Variants in FGGY observed in about 807,000 individuals in gnomAD.
FGGY encodes the protein FGGY carbohydrate kinase domain containing.
In FGGY, 72 loss-of-function variants were observed where a neutral mutation model predicts 71.3. That is an observed-to-expected ratio of 1.01 (90% CI 0.84 to 1.23). The LOEUF is 1.23. FGGY is among the 50% of genes most tolerant of loss of function. FGGY has a pLI of 0.00. For synonymous variants in FGGY, 251 were observed against 250.3 expected, an observed-to-expected ratio of 1.00 and a Z score of -0.02; for missense variants, 668 against 682.3, an observed-to-expected ratio of 0.98 and a Z score of 0.23.
chr1:59,512,578 T>C, intron 7 of FGGY, 139 bp downstream of exon 7: 3 of 748,346 alleles, frequency 4.0e-6, no homozygotes, highest in Non-Finnish European at 5.8e-6. Context: ...AAAGCCTTTT[T>C]ACAGCTAGGC....
chr1:59,349,222 T>C (rs2052748417), intron 4 of FGGY, among the ~76,000 whole-genome samples: 1 of 152,220 alleles, frequency 6.6e-6, no homozygotes, highest in Non-Finnish European at 1.5e-5. Flanking sequence ...CATGCAGTAG[T>C]AAAATCCCTC....
At chr1:59,462,210 G>C (rs2092293580) in intron 6 of FGGY, among the ~76,000 whole-genome samples, 1 of 152,126 alleles carries the variant, frequency 6.6e-6, no homozygotes, top group African/African-American at 2.4e-5. Context: ...AATGGGGAAA[G>C]GATTCCCTAT....
chr1:59,669,700 T>A (rs1250458535), intron 13 of FGGY, among the ~76,000 whole-genome samples: 1 of 152,030 alleles, frequency 6.6e-6, no homozygotes, highest in African/African-American at 2.4e-5. Context: ...CGGCCCCAAT[T>A]TCCAGCCTTC....
At chr1:59,578,864 G>A (rs1291168653) in intron 8 of FGGY, among the ~76,000 whole-genome samples, 1 of 152,038 alleles carries the variant, frequency 6.6e-6, no homozygotes, top group Non-Finnish European at 1.5e-5. Context: ...TAAGACTACA[G>A]CTTGCTTTAA....
intron 1 of FGGY, chr1:59,315,741 G>T (rs1348117538): frequency 2.0e-5 from 3 of 152,206 alleles, no homozygotes; most frequent in African/African-American, 7.2e-5. Context: ...CCACAGGTAT[G>T]TCTAGATGAA....
intron 5 of FGGY, among the ~76,000 whole-genome samples, chr1:59,414,920 G>T (rs571506822): frequency 1.3e-5 from 2 of 152,374 alleles, no homozygotes; most frequent in African/African-American, 4.8e-5. Flanking sequence ...GCAGGGTGGA[G>T]AAAGTTAGAG....
intron 1 of FGGY, among the ~76,000 whole-genome samples, chr1:59,311,533 G>A (rs1407219753): frequency 2.0e-5 from 3 of 152,046 alleles, no homozygotes; most frequent in African/African-American, 7.3e-5. Context: ...GAGGTTGTTG[G>A]CTTCCAGCTT....
Position 59,421,346 on chromosome 1 carries a change from A to G in FGGY, c.555-35615A>G, listed in dbSNP as rs181900242. Among the ~76,000 whole-genome samples, 146 of 152,324 alleles carry G rather than the reference A, an allele frequency of 9.6e-4. 1 individual carries two copies. Among genetic ancestry groups the G allele is most frequent in the African/African-American group, 3.3e-3 (139 of 41,572 alleles). ...TTAATTATGATATTGATAATTAGCT[A>G]TTTTTTGAAAGATACCTCCTTTTAT... On this transcript the variant is annotated intron_variant, in intron 5 of 15. Coordinates refer to ENST00000303721, the MANE Select transcript of FGGY (RefSeq NM_018291.5).
chr1:59,377,007 A>G (rs2058740154), intron 4 of FGGY, among the ~76,000 whole-genome samples: 1 of 152,204 alleles, frequency 6.6e-6, no homozygotes, highest in African/African-American at 2.4e-5. Flanking sequence ...CCTGATTCTA[A>G]GTTCTTGGGA....
chr1:59,528,301 G>A (rs1416982896), intron 7 of FGGY, among the ~76,000 whole-genome samples: 10 of 152,178 alleles, frequency 6.6e-5, no homozygotes, highest in Non-Finnish European at 5.9e-5. Context: ...TTACCTAGAT[G>A]CCACTTAATG....
chr1:59,504,399 G>A (rs1570333641), intron 6 of FGGY, among the ~76,000 whole-genome samples: 1 of 152,216 alleles, frequency 6.6e-6, no homozygotes, highest in East Asian at 1.9e-4. Flanking sequence ...CTTGCCACTG[G>A]TGTCTGGTGC....
At chr1:59,447,198 G>C (rs141052610) in intron 5 of FGGY, among the ~76,000 whole-genome samples, 1 of 152,170 alleles carries the variant, frequency 6.6e-6, no homozygotes, top group African/African-American at 2.4e-5. Flanking sequence ...GGTGATTATA[G>C]TAGCTTTACT....
chr1:59,702,834 G>A lies in FGGY; in HGVS notation c.1512+28701G>A, dbSNP rs58324454. Among the ~76,000 whole-genome samples, 931 of 152,246 alleles carry A rather than the reference G, an allele frequency of 6.1e-3. 8 individuals carry two copies. Among genetic ancestry groups the A allele is most frequent in the African/African-American group, 0.022 (901 of 41,556 alleles). The stretch of plus-strand genomic sequence containing the variant: ...TTGAATGTGTATGGACACCAGCTGG[G>A]CAGCTTCCTCATGGTCCCTGGATGA... On this transcript the variant is annotated intron_variant, in intron 14 of 15. Coordinates refer to ENST00000303721, the MANE Select transcript of FGGY (RefSeq NM_018291.5).
Position 59,626,065 on chromosome 1 carries a change from G to T in FGGY, c.1073+16G>T, listed in dbSNP as rs373070133. ...CCACAGCCAGGTAACTGCTGTCTCTGTTCCCTCTAAAATTTTCCTTGTGTG... is the reference window on the plus strand; with the variant it reads ...CCACAGCCAGGTAACTGCTGTCTCTTTTCCCTCTAAAATTTTCCTTGTGTG... On this transcript the variant is annotated intron_variant, in intron 10 of 15. Coordinates refer to ENST00000303721, the MANE Select transcript of FGGY (RefSeq NM_018291.5). The T allele has an allele frequency of 1.1e-4, 175 of 1,611,198 alleles. No homozygotes were observed. The highest frequency in any genetic ancestry group is 1.4e-4 in the Non-Finnish European group (165 of 1,178,150).
intron 12 of FGGY, among the ~76,000 whole-genome samples, chr1:59,663,692 C>A (rs926628150): frequency 2.6e-5 from 4 of 151,946 alleles, no homozygotes; most frequent in Non-Finnish European, 5.9e-5. Flanking sequence ...TTTCAATAAG[C>A]CTTTTTTGTG....
At chr1:59,585,953 A>T (rs1203742044) in intron 8 of FGGY, among the ~76,000 whole-genome samples, 7 of 152,322 alleles carry the variant, frequency 4.6e-5, no homozygotes, top group African/African-American at 1.7e-4. Flanking sequence ...GCAAATCAAA[A>T]CCACAATGAG....
intron 11 of FGGY, among the ~76,000 whole-genome samples, chr1:59,656,171 G>A (rs772205084): frequency 2.0e-5 from 3 of 151,720 alleles, no homozygotes; most frequent in Non-Finnish European, 4.4e-5. Flanking sequence ...CTCTCACATC[G>A]GGCTTCCCTA....
chr1:59,375,474 C>G (rs577511856), intron 4 of FGGY, among the ~76,000 whole-genome samples: 2 of 152,294 alleles, frequency 1.3e-5, no homozygotes, highest in Non-Finnish European at 2.9e-5. Context: ...CATGTGCATA[C>G]TTAAGAGTAC....
intron 14 of FGGY, among the ~76,000 whole-genome samples, chr1:59,690,755 C>T (rs1287526575): frequency 2.0e-5 from 3 of 152,196 alleles, no homozygotes; most frequent in Non-Finnish European, 2.9e-5. Flanking sequence ...TGACTAGTTA[C>T]ACAGAAACCC....
Sources: allele counts gnomAD v4.1 joint callset (sites outside exome capture counted in the v4.1 genomes callset), GRCh38; gene constraint gnomAD v4.1.1; transcripts MANE v1.5; gene names NCBI Gene and HGNC (gene_info 2026-07-23, HGNC 2026-07-21).